Variants in MCC observed in about 807,000 individuals in gnomAD.
The protein encoded by MCC is colorectal mutant cancer protein.
A neutral mutation model predicts 116.2 loss-of-function variants in MCC; 90 were observed. That is an observed-to-expected ratio of 0.77 (90% CI 0.65 to 0.92). MCC has a LOEUF of 0.92. MCC is among the 40% of genes least tolerant of loss of function. The pLI is 0.00. For synonymous variants in MCC, 578 were observed against 510.5 expected (o/e 1.13, Z -1.78); for missense variants, 1,516 against 1,312.2 (o/e 1.16, Z -2.40).
chr5:113,078,597 A>T (rs964403930), intron 11 of MCC, among the ~76,000 whole-genome samples: 1 of 152,252 alleles, frequency 6.6e-6, no homozygotes, highest in Non-Finnish European at 1.5e-5. Context: ...GGCCTTTGAC[A>T]ACATTCAACA....
At chr5:113,033,747 A>C (rs1751124036) in intron 17 of MCC, among the ~76,000 whole-genome samples, 1 of 152,234 alleles carries the variant, frequency 6.6e-6, no homozygotes, top group South Asian at 2.1e-4. Context: ...GCATCAAGCA[A>C]AAACAATGCT....
At chr5:113,167,801 T>G in intron 3 of MCC, among the ~76,000 whole-genome samples, 1 of 152,062 alleles carries the variant, frequency 6.6e-6, no homozygotes, top group East Asian at 1.9e-4. Flanking sequence ...CGACTAATTT[T>G]TAAATTTTTG....
chr5:113,077,724 C>T (rs1202530781), intron 11 of MCC, among the ~76,000 whole-genome samples: 1 of 152,134 alleles, frequency 6.6e-6, no homozygotes, highest in Non-Finnish European at 1.5e-5. Context: ...AAAATCGACA[C>T]CCTAACATCA....
At position 113,138,930 on chromosome 5, in the gene MCC, G is replaced by A. The variant is rs370052953; in HGVS notation, c.884+4288C>T. On this transcript the variant is annotated intron_variant, in intron 5 of 18. Transcript: ENST00000408903. ...GGTTCTATAACTGGCCTGTTATCCAGGTAAGGGAATTGGATGAGGCCATGA... is the reference window on the plus strand; with the variant it reads ...GGTTCTATAACTGGCCTGTTATCCAAGTAAGGGAATTGGATGAGGCCATGA... Among the ~76,000 whole-genome samples, 7 of 152,220 alleles carry A rather than the reference G, an allele frequency of 4.6e-5. No individual in the cohort carries two copies. The East Asian group carries it at 1.2e-3, about 25-fold the overall frequency.
chr5:113,463,192 G>T (rs1580408649), intron 1 of MCC, among the ~76,000 whole-genome samples: 1 of 152,260 alleles, frequency 6.6e-6, no homozygotes, highest in Non-Finnish European at 1.5e-5. Flanking sequence ...CTAGAGGAGA[G>T]AGGGCAAGAT....
intron 2 of MCC, among the ~76,000 whole-genome samples, chr5:113,349,279 C>A (rs558017451): frequency 6.6e-6 from 1 of 152,066 alleles, no homozygotes; most frequent in East Asian, 1.9e-4. Context: ...CTGATGAACA[C>A]TGATGCAAAA....
chr5:113,470,104 C>T (rs1291898771), intron 1 of MCC, among the ~76,000 whole-genome samples: 3 of 152,024 alleles, frequency 2.0e-5, no homozygotes, highest in African/African-American at 4.8e-5. Flanking sequence ...TTCCTGAATA[C>T]AGCACACTGA....
intron 1 of MCC, among the ~76,000 whole-genome samples, chr5:113,445,522 G>T (rs26987): frequency 4.0e-5 from 6 of 151,774 alleles, no homozygotes; most frequent in East Asian, 1.9e-4. Flanking sequence ...AAATAAAATA[G>T]GAATACATCT....
At chr5:113,433,382 A>C in intron 1 of MCC, 1 of 490,506 alleles carries the variant, frequency 2.0e-6, no homozygotes, top group Non-Finnish European at 4.0e-6. Context: ...AATGGTGCCC[A>C]AGGTGGACAG....
chr5:113,363,705 C>A (rs533927264), intron 2 of MCC, among the ~76,000 whole-genome samples: 213 of 152,288 alleles, frequency 1.4e-3, no homozygotes, highest in Non-Finnish European at 1.5e-3. Flanking sequence ...CTGGACCCTC[C>A]AAATCTCATG....
Position 113,134,413 on chromosome 5 carries a change from T to C in MCC, c.884+8805A>G, listed in dbSNP as rs139604447. On this transcript the variant is annotated intron_variant, in intron 5 of 18. Transcript: ENST00000408903. Reference sequence around the variant, plus strand: ...AGATTTATTTCTGGATTCTCTATTATGTTTCATTGCTCTATGTGTCTGCTT... The same window carrying C: ...AGATTTATTTCTGGATTCTCTATTACGTTTCATTGCTCTATGTGTCTGCTT... Among the ~76,000 whole-genome samples the C allele has an allele frequency of 3.3e-4, 50 of 152,316 alleles. No individual in the cohort carries two copies. In the East Asian group the frequency reaches 7.3e-3, roughly 22 times the overall value.
chr5:113,068,261 G>T, intron 12 of MCC, 78 bp from the exon 13 acceptor site: 2 of 1,109,034 alleles, frequency 1.8e-6, no homozygotes, highest in East Asian at 2.5e-5. Flanking sequence ...TTCTGTGCAG[G>T]AGGCAGCTCA....
chr5:113,119,083 C>A (rs891888740), intron 6 of MCC, among the ~76,000 whole-genome samples: 10 of 152,218 alleles, frequency 6.6e-5, no homozygotes, highest in African/African-American at 9.6e-5. Flanking sequence ...TCTGCATCCT[C>A]CAAACAACTG....
chr5:113,319,232 A>T (rs1342329382), intron 3 of MCC, among the ~76,000 whole-genome samples: 1 of 152,232 alleles, frequency 6.6e-6, no homozygotes, highest in Non-Finnish European at 1.5e-5. Context: ...CTGTAAAAGT[A>T]AAAGTAAATT....
intron 3 of MCC, among the ~76,000 whole-genome samples, chr5:113,243,473 G>C (rs749284529): frequency 1.3e-5 from 2 of 152,136 alleles, no homozygotes; most frequent in Non-Finnish European, 2.9e-5. Flanking sequence ...GAACTCTGTA[G>C]TATGAATACC....
At chr5:113,150,306 T>C (rs1759775828) in intron 4 of MCC, among the ~76,000 whole-genome samples, 1 of 152,050 alleles carries the variant, frequency 6.6e-6, no homozygotes, top group South Asian at 2.1e-4. Context: ...AAATTATTTT[T>C]CACATGAAAA....
At chr5:113,101,614 A>C in intron 8 of MCC, 125 bp downstream of exon 8, 3 of 911,322 alleles carry the variant, frequency 3.3e-6, no homozygotes, top group Non-Finnish European at 3.4e-6. Flanking sequence ...ATAACAGGAA[A>C]GAGACAGTGA....
chr5:113,345,338 A>ACTGCCCCC (rs1768109076), intron 2 of MCC, among the ~76,000 whole-genome samples: 1 of 152,140 alleles, frequency 6.6e-6, no homozygotes, highest in Admixed American at 6.6e-5. Context: ...GGGGGAGCTC[A>ACTGCCCCC]CTGCCCTGCA....
intron 6 of MCC, 25 bp from the exon 7 acceptor site, chr5:113,104,380 C>A: frequency 6.3e-7 from 1 of 1,580,324 alleles, no homozygotes; most frequent in Admixed American, 1.7e-5. Context: ...AGACAAAATG[C>A]GTTACACAGG....
Sources: gnomAD v4.1 joint callset for allele counts (sites outside exome capture counted in the v4.1 genomes callset) on GRCh38, gnomAD v4.1.1 for gene constraint, MANE v1.5 for transcripts, NCBI Gene and HGNC (gene_info 2026-07-23, HGNC 2026-07-21) for gene names.